Variants in USP34 observed in about 807,000 individuals in gnomAD.
USP34 encodes the protein ubiquitin specific peptidase 34.
Under a neutral mutation model 460.3 loss-of-function variants are expected in USP34, and 70 were observed. The ratio of observed to expected loss-of-function variants is 0.15; its 90% CI spans 0.13 to 0.19. The LOEUF (loss-of-function observed/expected upper bound fraction) is 0.19. Among genes scored for constraint, USP34 ranks in the 10% least tolerant of loss-of-function variants. The pLI is 1.00. For synonymous variants in USP34, 1,647 were observed against 1,405.3 expected (o/e 1.17, Z -3.85); for missense variants, 3,985 against 4,236.2 (o/e 0.94, Z 1.65).
At chr2:61,317,829 A>C in intron 22 of USP34, 62 bp from the exon 23 acceptor site, 1 of 1,249,780 alleles carries the variant, frequency 8.0e-7, no homozygotes, top group South Asian at 1.4e-5. Context: ...GATTTTATTA[A>C]ATTTAAATAA....
intron 2 of USP34, among the ~76,000 whole-genome samples, chr2:61,406,927 T>A (rs1693891238): frequency 6.6e-6 from 1 of 152,038 alleles, no homozygotes; most frequent in Non-Finnish European, 1.5e-5. Context: ...GGAGAATCAC[T>A]TGAACCCGGG....
intron 27 of USP34, among the ~76,000 whole-genome samples, chr2:61,308,893 T>C (rs551462892): frequency 7.2e-5 from 11 of 151,936 alleles, no homozygotes; most frequent in African/African-American, 1.2e-4. Flanking sequence ...ATACAAAAAA[T>C]TACCCAGGGA....
At chr2:61,439,964 G>T (rs1471570183) in intron 1 of USP34, among the ~76,000 whole-genome samples, 1 of 152,120 alleles carries the variant, frequency 6.6e-6, no homozygotes, top group Non-Finnish European at 1.5e-5. Flanking sequence ...GAGGACAGGG[G>T]CATCCTAGCC....
In USP34 at chr2:61,405,951, T is replaced by G. The variant is rs747211913; in HGVS notation, c.309A>C (p.Glu103Asp). ...TWQDESNQAE[E>D]PLNIDRECNE... Reference sequence around the variant, plus strand: ...TACACTCTCTATCTATATTCAGTGGTTCTTCTGCTTGATTACTCTCATCTT... The same window carrying G: ...TACACTCTCTATCTATATTCAGTGGGTCTTCTGCTTGATTACTCTCATCTT... The change falls in exon 3 of 80, where the codon GAA becomes GAC. Residue 103 changes from glutamate (E) to aspartate (D), a missense_variant. Coordinates refer to ENST00000398571, the MANE Select transcript of USP34 (RefSeq NM_014709.4). 1.1e-5 allele frequency: 18 copies of G among 1,613,794 alleles called. No individual in the cohort carries two copies. The East Asian group carries it at 4.0e-4, about 36-fold the overall frequency.
At chr2:61,351,466 TA>T (rs74456459) in intron 10 of USP34, among the ~76,000 whole-genome samples, 22,122 of 152,014 alleles carry the variant, frequency 0.15, 2,140 homozygotes, top group South Asian at 0.36. Context: ...TCATGTAAAA[TA>T]AAAGTATTTT....
intron 5 of USP34, among the ~76,000 whole-genome samples, chr2:61,389,567 G>A (rs997062303): frequency 9.2e-5 from 14 of 152,088 alleles, no homozygotes; most frequent in African/African-American, 2.7e-4. Flanking sequence ...AATGAGAAAA[G>A]TAATGCTTAT....
At chr2:61,369,823 G>C (rs759172714) in intron 10 of USP34, among the ~76,000 whole-genome samples, 1 of 150,486 alleles carries the variant, frequency 6.6e-6, no homozygotes, top group Non-Finnish European at 1.5e-5. Context: ...AAAAGAAAGA[G>C]GAAGAAAAAT....
chr2:61,279,175 T>C (rs1374998786), intron 39 of USP34, among the ~76,000 whole-genome samples: 2 of 152,006 alleles, frequency 1.3e-5, no homozygotes, highest in African/African-American at 4.8e-5. Context: ...ACTTGCTCAA[T>C]ACTAATTTTT....
At chr2:61,282,016 G>A (rs957549172) in intron 37 of USP34, among the ~76,000 whole-genome samples, 2 of 152,108 alleles carry the variant, frequency 1.3e-5, no homozygotes, top group Non-Finnish European at 2.9e-5. Flanking sequence ...TTAAGACAGA[G>A]TCTTGCTCTG....
At chr2:61,389,712 A>G (rs373292174) in intron 5 of USP34, among the ~76,000 whole-genome samples, 32 of 152,274 alleles carry the variant, frequency 2.1e-4, no homozygotes, top group African/African-American at 7.7e-4. Flanking sequence ...TGCATATGCT[A>G]TTAATCCTAC....
chr2:61,353,364 A>C lies in USP34; in HGVS notation c.1252-2671T>G, dbSNP rs145590683. Reference sequence around the variant, plus strand: ...AAAAAGTCCACAGAAAATATACCTGAAGTCCACCTGTTGCACTTCCTAGAC... The same window carrying C: ...AAAAAGTCCACAGAAAATATACCTGCAGTCCACCTGTTGCACTTCCTAGAC... On this transcript the variant is annotated intron_variant, in intron 10 of 79. Transcript: ENST00000398571. 1.4e-4 allele frequency among the ~76,000 whole-genome samples: 22 copies of C among 152,030 alleles called. No homozygotes were observed. In the East Asian group the frequency reaches 4.1e-3, roughly 28 times the overall value.
At chr2:61,382,733 T>TC (rs1180159711) in intron 6 of USP34, among the ~76,000 whole-genome samples, 1 of 152,214 alleles carries the variant, frequency 6.6e-6, no homozygotes, top group Non-Finnish European at 1.5e-5. Context: ...TTCTTAGGCT[T>TC]CCTTTTTAAG....
intron 1 of USP34, among the ~76,000 whole-genome samples, chr2:61,446,473 T>C (rs980077116): frequency 1.3e-5 from 2 of 152,144 alleles, no homozygotes; most frequent in Admixed American, 6.5e-5. Flanking sequence ...AAAACTGAAA[T>C]CATGTAAGTA....
At position 61,367,613 on chromosome 2, in the gene USP34, A is replaced by G. The variant is rs796878451; in HGVS notation, c.1251+2708T>C. Among the ~76,000 whole-genome samples the G allele has an allele frequency of 5.9e-5, 9 of 152,328 alleles. 1 individual carries two copies. Among genetic ancestry groups the G allele is most frequent in the African/African-American group, 1.9e-4 (8 of 41,588 alleles). On this transcript the variant is annotated intron_variant, in intron 10 of 79. Coordinates refer to ENST00000398571, the MANE Select transcript of USP34 (RefSeq NM_014709.4). ...AATGAAAAATATTTTAATTTTATATATATCTCTATATCTCCATCACTAAAT... is the reference window on the plus strand; with the variant it reads ...AATGAAAAATATTTTAATTTTATATGTATCTCTATATCTCCATCACTAAAT...
chr2:61,342,566 C>A (rs1691639418), intron 16 of USP34, among the ~76,000 whole-genome samples: 1 of 151,962 alleles, frequency 6.6e-6, no homozygotes, highest in Non-Finnish European at 1.5e-5. Flanking sequence ...CCCACCTCAG[C>A]CTTCCAAAGT....
intron 1 of USP34, among the ~76,000 whole-genome samples, chr2:61,430,553 A>G (rs1373691176): frequency 6.6e-6 from 1 of 152,232 alleles, no homozygotes; most frequent in Non-Finnish European, 1.5e-5. Context: ...TGGTTCTTAT[A>G]TGAGTGTATA....
At chr2:61,295,924 G>A (rs1477475209) in intron 30 of USP34, among the ~76,000 whole-genome samples, 4 of 152,038 alleles carry the variant, frequency 2.6e-5, no homozygotes, top group East Asian at 1.9e-4. Context: ...GAGTTCTTTC[G>A]GAGATGTCCT....
chr2:61,236,793 G>A (rs1347169200), intron 53 of USP34, among the ~76,000 whole-genome samples: 1 of 152,142 alleles, frequency 6.6e-6, no homozygotes, highest in Non-Finnish European at 1.5e-5. Flanking sequence ...GACGTGATTT[G>A]TTTATAAAAA....
At chr2:61,456,445 G>A (rs1558605771) in intron 1 of USP34, among the ~76,000 whole-genome samples, 1 of 152,200 alleles carries the variant, frequency 6.6e-6, no homozygotes. Context: ...GTAAGTTCCA[G>A]AAAAGATTCA....
Sources: gnomAD v4.1 joint callset for allele counts (sites outside exome capture counted in the v4.1 genomes callset) on GRCh38, gnomAD v4.1.1 for gene constraint, MANE v1.5 for transcripts, NCBI Gene and HGNC (gene_info 2026-07-23, HGNC 2026-07-21) for gene names.